SLC30A6: variants seen among roughly 807,000 people sequenced by gnomAD.
SLC30A6 encodes the protein zinc transporter 6.
SLC30A6 carries 55 observed loss-of-function variants against 63.0 expected under a neutral mutation model. The observed-to-expected ratio is 0.87, with a 90% CI of 0.70 to 1.09. SLC30A6 has a LOEUF of 1.09. Among genes scored for constraint, SLC30A6 ranks in the 50% least tolerant of loss-of-function variants. The probability of loss-of-function intolerance (pLI) is 0.00; values close to 1 mark genes in which losing one functional copy is unlikely to be tolerated. For synonymous variants in SLC30A6, 224 were observed against 186.1 expected (o/e 1.20, Z -1.66); for missense variants, 587 against 549.2 (o/e 1.07, Z -0.69).
intron 12 of SLC30A6, among the ~76,000 whole-genome samples, chr2:32,209,277 G>A (rs987103193): frequency 6.6e-6 from 1 of 152,158 alleles, no homozygotes; most frequent in Non-Finnish European, 1.5e-5. Context: ...TAAAAGAATT[G>A]GGGCAAGCAA....
intron 10 of SLC30A6, among the ~76,000 whole-genome samples, chr2:32,198,855 C>A (rs1056060690): frequency 2.0e-5 from 3 of 152,202 alleles, no homozygotes; most frequent in East Asian, 1.9e-4. Context: ...TGACTGTAAT[C>A]CCAACATAGA....
rs114402553 is a variant in SLC30A6, at chr2:32,166,453, A to G, written c.3+550A>G. ...AGTCAAGGTGTTGGTAGGACATTTT[A>G]TTGCTGCTTTATTTCTGGGTTTGTA... On this transcript the variant is annotated intron_variant, in intron 1 of 13. Transcript: ENST00000282587. Among the ~76,000 whole-genome samples the G allele has an allele frequency of 3.7e-3, 571 of 152,326 alleles. 5 individuals carry two copies. The highest frequency in any genetic ancestry group is 0.014 in the African/African-American group (562 of 41,584).
At chr2:32,206,252 C>T (rs6543653) in intron 11 of SLC30A6, among the ~76,000 whole-genome samples, 18,704 of 151,810 alleles carry the variant, frequency 0.12, 1,246 homozygotes, top group Middle Eastern at 0.21. Flanking sequence ...CAAGACCATC[C>T]TGGCTAACAC....
In SLC30A6 at chr2:32,221,723, T is replaced by C. The variant is rs916523138; in HGVS notation, c.*1010T>C. ...GTTAAAGTTTCTCTCCTTTAAAAAT[T>C]TTAGTACATTTGTAAATAGTCCATG... On this transcript the variant is annotated 3_prime_UTR_variant, in exon 14 of 14. Transcript: ENST00000282587. 2 of 152,186 alleles carry C rather than the reference T, an allele frequency of 1.3e-5. No homozygotes were observed. Among genetic ancestry groups the C allele is most frequent in the Admixed American group, 6.6e-5 (1 of 15,266 alleles). The allele number at this position is 152,186 out of a possible 1,614,324, so 9.4% of individuals were successfully genotyped here.
chr2:32,201,523 CCT>C (rs1420270625), intron 10 of SLC30A6: 8 of 671,720 alleles, frequency 1.2e-5, no homozygotes, highest in African/African-American at 3.8e-5. Context: ...CTGCCCTGCC[CCT>C]GTTTCCTTTC....
intron 4 of SLC30A6, among the ~76,000 whole-genome samples, chr2:32,180,808 G>A (rs1416740980): frequency 6.6e-6 from 1 of 152,202 alleles, no homozygotes; most frequent in Non-Finnish European, 1.5e-5. Flanking sequence ...CAAACTAACG[G>A]TAATAAAAAT....
At chr2:32,202,044 A>G (rs899916125) in intron 10 of SLC30A6, 30 of 987,780 alleles carry the variant, frequency 3.0e-5, no homozygotes, top group South Asian at 6.1e-5. Context: ...AGCAAGTATC[A>G]TCCTTAGATA....
At chr2:32,199,590 C>T (rs1214793166) in intron 10 of SLC30A6, among the ~76,000 whole-genome samples, 1 of 151,972 alleles carries the variant, frequency 6.6e-6, no homozygotes, top group East Asian at 1.9e-4. Context: ...TTAAAATGTA[C>T]AATAAATTAT....
In SLC30A6 at chr2:32,178,251, TA is replaced by T. The variant is rs1681965572; in HGVS notation, c.218+2891del. Among the ~76,000 whole-genome samples, 4 of 152,036 alleles carry T rather than the reference TA, an allele frequency of 2.6e-5. No homozygotes were observed. The South Asian group carries it at 8.3e-4, about 32-fold the overall frequency. On this transcript the variant is annotated intron_variant, in intron 4 of 13. Coordinates refer to ENST00000282587, the MANE Select transcript of SLC30A6 (RefSeq NM_017964.5). ...CGTGAGCCACCGCACCCGGCCAAGT[TA>T]TTTTTTTTTAATGGTGTGAGATTGG...
In SLC30A6 at chr2:32,206,904, A is replaced by C. The variant is rs1337879959; in HGVS notation, c.787A>C (p.Ile263Leu). 1 of 1,611,572 alleles carries C rather than the reference A, an allele frequency of 6.2e-7. No individual in the cohort carries two copies. The highest frequency in any genetic ancestry group is 8.5e-7 in the Non-Finnish European group (1 of 1,177,780). The change falls in exon 12 of 14, where the codon ATT becomes CTT. Residue 263 changes from isoleucine (I) to leucine (L), a missense_variant. By Grantham distance (5) the Ile-to-Leu change is conservative. Transcript: ENST00000282587. ...TCCCCAGACAACACCACCCCATGTT[A>C]TTGGTCAGTTGGACAAACTCATCAG... ...VLLQTTPPHVIGQLDKLIREV... is the reference protein window; with the variant it reads ...VLLQTTPPHVLGQLDKLIREV...
At chr2:32,203,196 C>T (rs1332421254) in intron 10 of SLC30A6, 3 of 1,164,488 alleles carry the variant, frequency 2.6e-6, no homozygotes, top group East Asian at 2.3e-5. Context: ...TGGTTCTCCT[C>T]CTCAGGATGT....
intron 13 of SLC30A6, among the ~76,000 whole-genome samples, chr2:32,219,231 A>G (rs1009488650): frequency 6.6e-6 from 1 of 150,654 alleles, no homozygotes; most frequent in Non-Finnish European, 1.5e-5. Flanking sequence ...GTGGGGTTTC[A>G]CCATGTTGGT....
intron 4 of SLC30A6, among the ~76,000 whole-genome samples, chr2:32,183,233 A>T (rs1310526750): frequency 1.3e-5 from 2 of 152,124 alleles, no homozygotes; most frequent in African/African-American, 4.8e-5. Context: ...ATGGAGAAAA[A>T]AATGAAGGAT....
intron 11 of SLC30A6, 115 bp from the exon 12 acceptor site, chr2:32,206,771 A>G (rs761899192): frequency 7.8e-4 from 595 of 761,864 alleles, no homozygotes; most frequent in Non-Finnish European, 1.1e-3. Context: ...TCATGATAGG[A>G]CAGCTGTCAA....
rs1274637071 is a variant in SLC30A6, at chr2:32,220,304, C to T, written c.977C>T (p.Thr326Ile). The T allele has an allele frequency of 3.7e-6, 6 of 1,614,082 alleles. No homozygotes were observed. The highest frequency in any genetic ancestry group is 1.1e-5 in the South Asian group (1 of 91,092). Residue 326 changes from threonine to isoleucine, a missense_variant, in exon 14 of 14, where the codon ACT becomes ATT. Transcript: ENST00000282587. ...VTNRLYTLVS[T>I]LTVQIFKDDW... ...AACAGGCTGTACACTCTAGTGTCTACTCTAACTGTTCAAATTTTCAAGGAT... is the reference window on the plus strand; with the variant it reads ...AACAGGCTGTACACTCTAGTGTCTATTCTAACTGTTCAAATTTTCAAGGAT...
At position 32,187,299 on chromosome 2, in the gene SLC30A6, T is replaced by G. The variant is rs1682924692; in HGVS notation, c.284+2961T>G. The G allele has an allele frequency of 2.1e-5, 10 of 466,348 alleles. 1 individual carries two copies. The highest frequency in any genetic ancestry group is 1.4e-4 in the South Asian group (9 of 64,426). 28.9% of individuals were successfully genotyped at this position (466,348 alleles called of 1,614,324 possible). ...TAAATTACTACTGTTAAAATAATAT[T>G]TATGGTAGGCAATAAAGAGCTAGCT... On this transcript the variant is annotated intron_variant, in intron 5 of 13. Coordinates refer to ENST00000282587, the MANE Select transcript of SLC30A6 (RefSeq NM_017964.5).
chr2:32,184,581 A>G (rs1682637733), intron 5 of SLC30A6, among the ~76,000 whole-genome samples: 1 of 152,140 alleles, frequency 6.6e-6, no homozygotes, highest in Non-Finnish European at 1.5e-5. Context: ...CCTGGCCAAC[A>G]TGGCAGACCC....
chr2:32,181,395 A>G (rs1682295375), intron 4 of SLC30A6, among the ~76,000 whole-genome samples: 1 of 152,224 alleles, frequency 6.6e-6, no homozygotes, highest in South Asian at 2.1e-4. Context: ...TTAAGATGTG[A>G]AAAAACATGT....
intron 13 of SLC30A6, among the ~76,000 whole-genome samples, chr2:32,213,280 A>G (rs1359645479): frequency 1.4e-5 from 2 of 142,088 alleles, no homozygotes; most frequent in East Asian, 4.1e-4. Context: ...TTCTCTTGCC[A>G]ATGTTTCTTT....
Sources: allele counts gnomAD v4.1 joint callset (sites outside exome capture counted in the v4.1 genomes callset), GRCh38; gene constraint gnomAD v4.1.1; transcripts MANE v1.5; gene names NCBI Gene and HGNC (gene_info 2026-07-23, HGNC 2026-07-21).